Variants in PDE4D observed in about 807,000 individuals in gnomAD.
PDE4D encodes phosphodiesterase 4D.
Under a neutral mutation model 87.4 loss-of-function variants are expected in PDE4D, and 24 were observed. That is an observed-to-expected ratio of 0.27 (90% CI 0.20 to 0.39). The LOEUF (loss-of-function observed/expected upper bound fraction) is 0.39, where lower values mean the gene tolerates loss of function less well. PDE4D is among the 10% of genes least tolerant of loss of function. The probability of loss-of-function intolerance (pLI) is 1.00; values close to 1 mark genes in which losing one functional copy is unlikely to be tolerated. For missense variants in PDE4D, 714 were observed against 1,041.0 expected (o/e 0.69, Z 4.32); for synonymous variants, 384 against 383.2 (o/e 1.00, Z -0.02).
chr5:59,084,921 A>G (rs561193891), intron 5 of PDE4D, among the ~76,000 whole-genome samples: 1 of 152,310 alleles, frequency 6.6e-6, no homozygotes, highest in Admixed American at 6.5e-5. Context: ...AAATGATAAA[A>G]TATAGCAACG....
At chr5:59,450,145 C>CGCCT (rs1798924621) in intron 1 of PDE4D, among the ~76,000 whole-genome samples, 1 of 152,158 alleles carries the variant, frequency 6.6e-6, no homozygotes, top group Admixed American at 6.5e-5. Flanking sequence ...TGTAAATGAT[C>CGCCT]GCCTTGTGCC....
At position 59,574,603 on chromosome 5, in the gene PDE4D, C is replaced by A. The variant is rs918669845; in HGVS notation, c.455+318565G>T. On this transcript the variant is annotated intron_variant, in intron 1 of 14. Coordinates refer to ENST00000340635, the MANE Select transcript of PDE4D (RefSeq NM_001104631.2). ...GGGATCTTTCCCTTGCATTGTACTA[C>A]TGGTTAAGAGAGAGAGGTATGAAAC... Among the ~76,000 whole-genome samples, 13 of 152,108 alleles carry A rather than the reference C, an allele frequency of 8.5e-5. 1 individual carries two copies. In the East Asian group the frequency reaches 2.5e-3, roughly 29 times the overall value.
Position 58,988,512 on chromosome 5 carries a change from A to G in PDE4D, c.1533T>C (p.Asn511=), listed in dbSNP as rs1236286260. 2.7e-6 allele frequency: 4 copies of G among 1,475,410 alleles called. No individual in the cohort carries two copies. Among genetic ancestry groups the G allele is most frequent in the East Asian group, 2.5e-5 (1 of 40,108 alleles). 91.4% of individuals were successfully genotyped at this position (1,475,410 alleles called of 1,614,324 possible). ...IHDVDHPGVS[N]QFLINTNSEL... is the part of the protein sequence containing the mutation. ...ACTTACTTGTATTGATCAGAAATTGATTGGACACACCAGGATGATCTACAT... is the reference window on the plus strand; with the variant it reads ...ACTTACTTGTATTGATCAGAAATTGGTTGGACACACCAGGATGATCTACAT... Residue 511 remains asparagine (N), a synonymous_variant, in exon 11 of 15, where the codon AAT becomes AAC. Coordinates refer to ENST00000340635, the MANE Select transcript of PDE4D (RefSeq NM_001104631.2).
intron 1 of PDE4D, among the ~76,000 whole-genome samples, chr5:59,506,610 A>G (rs1276559791): frequency 6.6e-6 from 1 of 152,176 alleles, no homozygotes; most frequent in Non-Finnish European, 1.5e-5. Context: ...TTTATACAAT[A>G]ATTTCCAGCA....
chr5:59,011,512 T>C (rs1752804382), intron 6 of PDE4D, among the ~76,000 whole-genome samples: 1 of 152,138 alleles, frequency 6.6e-6, no homozygotes, highest in Admixed American at 6.5e-5. Context: ...CAAGTTTCAG[T>C]AGCCAATTCC....
At chr5:60,144,096 G>T (rs1389192415) in intron 2 of PDE4D, among the ~76,000 whole-genome samples, 1 of 152,104 alleles carries the variant, frequency 6.6e-6, no homozygotes, top group Non-Finnish European at 1.5e-5. Flanking sequence ...TACATCCCAA[G>T]TTCCTCCACT....
intron 1 of PDE4D, among the ~76,000 whole-genome samples, chr5:60,405,314 A>T (rs980272706): frequency 1.3e-5 from 2 of 152,200 alleles, no homozygotes; most frequent in African/African-American, 4.8e-5. Flanking sequence ...TGCAACCTGT[A>T]GCTTAACCTA....
At chr5:59,570,608 C>T (rs1014629122) in intron 1 of PDE4D, among the ~76,000 whole-genome samples, 1 of 150,344 alleles carries the variant, frequency 6.7e-6, no homozygotes, top group African/African-American at 2.5e-5. Flanking sequence ...GTATTTTAAA[C>T]ACAATGCTTT....
chr5:59,261,684 G>A (rs576096345), intron 1 of PDE4D, among the ~76,000 whole-genome samples: 29 of 151,662 alleles, frequency 1.9e-4, no homozygotes, highest in Admixed American at 5.9e-4. Flanking sequence ...ACATTAAAAT[G>A]TTCTACTCTG....
chr5:59,536,114 TA>T (rs1815173017), intron 1 of PDE4D, among the ~76,000 whole-genome samples: 1 of 152,064 alleles, frequency 6.6e-6, no homozygotes, highest in East Asian at 1.9e-4. Flanking sequence ...TTAGAATATC[TA>T]AAACAAAGAA....
At chr5:59,454,589 T>C (rs959530773) in intron 1 of PDE4D, among the ~76,000 whole-genome samples, 19 of 151,998 alleles carry the variant, frequency 1.3e-4, no homozygotes, top group African/African-American at 2.9e-4. Flanking sequence ...AACAGACTAA[T>C]AGAGTAAACT....
chr5:59,446,570 T>A (rs1033495924), intron 1 of PDE4D, among the ~76,000 whole-genome samples: 1 of 152,360 alleles, frequency 6.6e-6, no homozygotes, highest in South Asian at 2.1e-4. Context: ...TAGAACTAGA[T>A]AAACCTTCAA....
chr5:59,151,494 T>C (rs1481800750), intron 5 of PDE4D, among the ~76,000 whole-genome samples: 5 of 152,170 alleles, frequency 3.3e-5, no homozygotes, highest in East Asian at 3.9e-4. Flanking sequence ...GTAGTGACCA[T>C]AGAAGGAGGC....
intron 3 of PDE4D, among the ~76,000 whole-genome samples, chr5:59,927,117 C>T (rs1034479302): frequency 2.0e-5 from 3 of 152,162 alleles, no homozygotes; most frequent in Non-Finnish European, 4.4e-5. Context: ...GTTTATGATG[C>T]TTCTGCATTT....
intron 1 of PDE4D, among the ~76,000 whole-genome samples, chr5:59,435,245 T>A (rs1378447760): frequency 2.0e-5 from 3 of 152,182 alleles, no homozygotes; most frequent in Non-Finnish European, 4.4e-5. Context: ...TGCAAGGACA[T>A]GAACATGTGA....
At chr5:59,561,190 G>T (rs528642052) in intron 1 of PDE4D, among the ~76,000 whole-genome samples, 1 of 152,284 alleles carries the variant, frequency 6.6e-6, no homozygotes, top group Non-Finnish European at 1.5e-5. Flanking sequence ...GGTGAAGGTA[G>T]ACACCTGTGG....
intron 1 of PDE4D, among the ~76,000 whole-genome samples, chr5:59,793,070 A>T (rs1344041589): frequency 6.6e-6 from 1 of 152,220 alleles, no homozygotes; most frequent in South Asian, 2.1e-4. Context: ...TCCGATAGGT[A>T]GGAAATCAGA....
chr5:59,889,275 C>T (rs767917438), intron 1 of PDE4D, among the ~76,000 whole-genome samples: 20 of 140,552 alleles, frequency 1.4e-4, no homozygotes, highest in African/African-American at 4.3e-4. Flanking sequence ...ATATAATATG[C>T]GCAGAATTTA....
At chr5:59,672,780 T>C (rs555038264) in intron 1 of PDE4D, among the ~76,000 whole-genome samples, 17 of 152,112 alleles carry the variant, frequency 1.1e-4, no homozygotes, top group Admixed American at 2.0e-4. Context: ...TAAAGTTCTA[T>C]AAAAAAGATA....
Sources: allele counts gnomAD v4.1 joint callset (sites outside exome capture counted in the v4.1 genomes callset), GRCh38; gene constraint gnomAD v4.1.1; transcripts MANE v1.5; gene names NCBI Gene and HGNC (gene_info 2026-07-23, HGNC 2026-07-21).